Variants in SCN3B observed in about 807,000 individuals in gnomAD.
SCN3B encodes sodium voltage-gated channel beta subunit 3, also known as sodium channel regulatory subunit beta-3.
A neutral mutation model predicts 25.4 loss-of-function variants in SCN3B; 11 were observed. That is an observed-to-expected ratio of 0.43 (90% CI 0.27 to 0.72). The LOEUF is 0.72. SCN3B is among the 30% of genes least tolerant of loss of function. SCN3B has a pLI of 0.18. For synonymous variants in SCN3B, 109 were observed against 110.7 expected (o/e 0.99, Z 0.09); for missense variants, 218 against 278.3 (o/e 0.78, Z 1.54).
chr11:123,641,606 C>G (rs1955792581), intron 4 of SCN3B, among the ~76,000 whole-genome samples: 1 of 152,098 alleles, frequency 6.6e-6, no homozygotes, highest in South Asian at 2.1e-4. Flanking sequence ...GGCTGGAACT[C>G]CCCCCTCAGG....
In SCN3B at chr11:123,633,695, C is replaced by G. The variant is rs886047900; in HGVS notation, c.*104G>C. On this transcript the variant is annotated 3_prime_UTR_variant, in exon 7 of 7. Transcript: ENST00000299333. ...AGAACAATGGATGCATGAAGGGAAG[C>G]GATGGGGCCCTTGGGGCGCCCTCCT... 2 of 273,896 alleles carry G rather than the reference C, an allele frequency of 7.3e-6. No homozygotes were observed. Among genetic ancestry groups the G allele is most frequent in the East Asian group, 1.8e-4 (2 of 11,384 alleles). 17.0% of individuals were successfully genotyped at this position (273,896 alleles called of 1,614,324 possible).
rs563539957 is a variant in SCN3B at position 123,641,540 on chromosome 11, G to A, written c.445+906C>T. 1.8e-4 allele frequency among the ~76,000 whole-genome samples: 27 copies of A among 152,130 alleles called. No homozygotes were observed. In the South Asian group the frequency reaches 5.4e-3, roughly 30 times the overall value. On this transcript the variant is annotated intron_variant, in intron 4 of 6. Transcript: ENST00000299333. ...TCTTTAACTTGATCTTTTCCTTCAT[G>A]CCCCACACTTTGGCCTGCTCACTAG... is the stretch of plus-strand genomic sequence containing the variant.
At chr11:123,634,309 T>G in intron 5 of SCN3B, 103 bp from the exon 6 acceptor site, 3 of 877,742 alleles carry the variant, frequency 3.4e-6, no homozygotes, top group Non-Finnish European at 5.7e-6. Flanking sequence ...ACAGAACAGC[T>G]CTGCATTTCC....
chr11:123,642,446 C>A lies in SCN3B; in HGVS notation c.445G>T (p.Ala149Ser). 1 of 1,614,138 alleles carries A rather than the reference C, an allele frequency of 6.2e-7. No individual in the cohort carries two copies. Among genetic ancestry groups the A allele is most frequent in the East Asian group, 2.2e-5 (1 of 44,868 alleles). ...RLIPLRVTEE[A>S]GEDFTSVVSE... The stretch of plus-strand genomic sequence containing the variant: ...TAGAGACCCTGTGCCTCAGCCTCAC[C>A]CTCCTCGGTGACTCTTAGGGGGATC... Residue 149 changes from alanine (A) to serine (S), a missense_variant and splice_region_variant, in exon 4 of 7, where the codon GCT (alanine) becomes TCT (serine). Coordinates refer to ENST00000299333, the MANE Select transcript of SCN3B (RefSeq NM_001040151.2). The surrounding 1 kb of genome is among the most constrained non-coding windows in gnomAD (Gnocchi z 4.3).
rs1431249005 is a variant in SCN3B, at chr11:123,654,520, C to T, written c.-320G>A. On this transcript the variant is annotated 5_prime_UTR_variant, in exon 1 of 7. Transcript: ENST00000299333. The stretch of plus-strand genomic sequence containing the variant: ...GAGCCCCTTCCCGGGAGCTCGCCCC[C>T]GGATGGTGCGGGGCCCCGACCCTGG... 6.5e-6 allele frequency: 1 copy of T among 153,328 alleles called. No individual in the cohort carries two copies. Among genetic ancestry groups the T allele is most frequent in the Non-Finnish European group, 1.5e-5 (1 of 68,874 alleles). The allele number at this position is 153,328 out of a possible 1,614,324, so 9.5% of individuals were successfully genotyped here.
At position 123,630,998 on chromosome 11, in the gene SCN3B, TTTC is replaced by T. The variant is rs544984224; in HGVS notation, c.*2798_*2800del. ...GCTACTTAACCTCAGAGACCCTCAG[TTTC>T]TTCTTTTGTAATGTGACCTCACAGG... On this transcript the variant is annotated 3_prime_UTR_variant, in exon 7 of 7. Transcript: ENST00000299333. The T allele has an allele frequency of 1.3e-5, 2 of 152,216 alleles. No homozygotes were observed. Among genetic ancestry groups the T allele is most frequent in the Non-Finnish European group, 2.9e-5 (2 of 68,032 alleles). 9.4% of individuals were successfully genotyped at this position (152,216 alleles called of 1,614,324 possible).
Position 123,643,480 on chromosome 11 carries a change from T to C in SCN3B, c.220-809A>G, listed in dbSNP as rs182439236. Among the ~76,000 whole-genome samples, 14 of 152,378 alleles carry C rather than the reference T, an allele frequency of 9.2e-5. No individual in the cohort carries two copies. The East Asian group carries it at 2.5e-3, about 27-fold the overall frequency. On this transcript the variant is annotated intron_variant, in intron 3 of 6. Transcript: ENST00000299333. ...CACTAGCCACATGTAGCTACTTAAA[T>C]TCAATTTCTTAGAAGTTAAATACAA...
In SCN3B at chr11:123,632,011, C is replaced by T. The variant is rs1343404907; in HGVS notation, c.*1788G>A. On this transcript the variant is annotated 3_prime_UTR_variant, in exon 7 of 7. Coordinates refer to ENST00000299333, the MANE Select transcript of SCN3B (RefSeq NM_001040151.2). ...TCTCTCGCTGAATCCCAGTCACCTT[C>T]ATCTTCTTACATTCCATAAAGCATC... 6.6e-6 allele frequency: 1 copy of T among 152,198 alleles called. No homozygotes were observed. The highest frequency in any genetic ancestry group is 2.4e-5 in the African/African-American group (1 of 41,460). 9.4% of individuals were successfully genotyped at this position (152,198 alleles called of 1,614,324 possible).
chr11:123,644,764 G>A lies in SCN3B; in HGVS notation c.219+823C>T, dbSNP rs543573782. Among the ~76,000 whole-genome samples the A allele has an allele frequency of 4.8e-5, 5 of 104,164 alleles. No individual in the cohort carries two copies. In the East Asian group the frequency reaches 1.0e-3, roughly 22 times the overall value. The allele number at this position is 104,164 out of a possible 152,430, so 68.3% of individuals were successfully genotyped here. A position where few individuals can be genotyped will look rare whatever the true frequency, so the allele number is the denominator to read the frequency against. The stretch of plus-strand genomic sequence containing the variant: ...CAGCTGGGTGACAGAGGGAGACCCC[G>A]TTGAGAGAGAGAGAGAGAGAGAGAG... On this transcript the variant is annotated intron_variant, in intron 3 of 6. Coordinates refer to ENST00000299333, the MANE Select transcript of SCN3B (RefSeq NM_001040151.2).
rs373257109 is a variant in SCN3B, at chr11:123,651,564, G to A, written c.55+2183C>T. Among the ~76,000 whole-genome samples, 9 of 152,170 alleles carry A rather than the reference G, an allele frequency of 5.9e-5. 1 individual carries two copies. In the South Asian group the frequency reaches 6.2e-4, roughly 11 times the overall value. On this transcript the variant is annotated intron_variant, in intron 2 of 6. Coordinates refer to ENST00000299333, the MANE Select transcript of SCN3B (RefSeq NM_001040151.2). ...TTTTTAGCAGAGATGGGGTTTCGCC[G>A]TGTTGGCCAGGCTGGTCTTGAACTC...
chr11:123,651,026 C>A (rs1207107333), intron 2 of SCN3B, among the ~76,000 whole-genome samples: 1 of 151,906 alleles, frequency 6.6e-6, no homozygotes, highest in Non-Finnish European at 1.5e-5. Context: ...AGTTAGAGAC[C>A]AGCCTGGGCA....
rs575419664 is a variant in SCN3B at position 123,638,200 on chromosome 11, T to C, written c.570A>G (p.Ala190=). The change falls in exon 5 of 7, where the codon GCA becomes GCG. Residue 190 remains alanine, a synonymous_variant. Coordinates refer to ENST00000299333, the MANE Select transcript of SCN3B (RefSeq NM_001040151.2). ...CYRKVSKAEE[A]AQENASDYLA... ...TCTGGACTTACGCGTTTTCTTGGGC[T>C]GCCTCTTCGGCTTTTGAGACCTTTC... is the stretch of plus-strand genomic sequence containing the variant. 3.7e-5 allele frequency: 60 copies of C among 1,614,042 alleles called. No homozygotes were observed. Among genetic ancestry groups the C allele is most frequent in the Non-Finnish European group, 4.9e-5 (58 of 1,180,042 alleles).
chr11:123,634,089 C>A, intron 6 of SCN3B, 32 bp downstream of exon 6: 2 of 1,547,336 alleles, frequency 1.3e-6, no homozygotes, highest in Admixed American at 3.3e-5. Flanking sequence ...CCATCCACAT[C>A]TGCCTTCCCC....
chr11:123,634,268 G>T, intron 5 of SCN3B, 62 bp from the exon 6 acceptor site: 1 of 1,362,584 alleles, frequency 7.3e-7, no homozygotes. Flanking sequence ...ACACAAGATG[G>T]GGAAGGAGCA....
intron 4 of SCN3B, among the ~76,000 whole-genome samples, chr11:123,641,525 G>A (rs1236531152): frequency 6.6e-6 from 1 of 152,088 alleles, no homozygotes. Flanking sequence ...TCTTTAACTT[G>A]ATCTTTTCCT....
chr11:123,635,455 C>T (rs928487231), intron 5 of SCN3B, among the ~76,000 whole-genome samples: 3 of 151,996 alleles, frequency 2.0e-5, no homozygotes, highest in African/African-American at 4.8e-5. Flanking sequence ...GAGGCCAAGG[C>T]GGGTGCATCA....
chr11:123,654,065 G>C, intron 1 of SCN3B, 161 bp downstream of exon 1: 2 of 564,518 alleles, frequency 3.5e-6, no homozygotes, highest in Non-Finnish European at 6.3e-6. Flanking sequence ...GCTCTCGCCG[G>C]CGCTCAGCAC....
chr11:123,635,763 T>C (rs1955717648), intron 5 of SCN3B, among the ~76,000 whole-genome samples: 1 of 152,148 alleles, frequency 6.6e-6, no homozygotes, highest in Non-Finnish European at 1.5e-5. Flanking sequence ...AATTTACTGC[T>C]CTTTCTTTGA....
intron 5 of SCN3B, among the ~76,000 whole-genome samples, chr11:123,637,577 G>A (rs1955743293): frequency 6.6e-6 from 1 of 152,122 alleles, no homozygotes; most frequent in Non-Finnish European, 1.5e-5. Flanking sequence ...CACCCAAGCT[G>A]GAGAGCAGTG....
Sources: gnomAD v4.1 joint callset for allele counts (sites outside exome capture counted in the v4.1 genomes callset) on GRCh38, gnomAD v4.1.1 for gene constraint, Gnocchi (gnomAD v3.1) non-coding constraint, MANE v1.5 for transcripts, NCBI Gene and HGNC (gene_info 2026-07-23, HGNC 2026-07-21) for gene names.